Variants in ANO2 observed in about 807,000 individuals in gnomAD.
ANO2 encodes the protein anoctamin 2.
Under a neutral mutation model 124.2 loss-of-function variants are expected in ANO2, and 101 were observed. The ratio of observed to expected loss-of-function variants is 0.81; its 90% CI spans 0.69 to 0.96. The LOEUF is 0.96. Ranked by LOEUF, ANO2 falls within the 40% of genes least tolerant of loss-of-function variation. The pLI, the probability that ANO2 is intolerant of heterozygous loss-of-function variation, is 0.00. For synonymous variants in ANO2, 486 were observed against 482.5 expected (o/e 1.01, Z -0.09); for missense variants, 1,293 against 1,274.5 (o/e 1.01, Z -0.22).
At chr12:5,832,405 C>T (rs781690932) in intron 5 of ANO2, 47 bp downstream of exon 5, 2 of 1,607,440 alleles carry the variant, frequency 1.2e-6, no homozygotes, top group South Asian at 2.2e-5. Context: ...TTCAATTTTC[C>T]TTCCTATCCC....
chr12:5,584,858 C>T (rs1339364554), intron 20 of ANO2, among the ~76,000 whole-genome samples: 1 of 152,166 alleles, frequency 6.6e-6, no homozygotes, highest in African/African-American at 2.4e-5. Context: ...GAGTTCTCAA[C>T]GTCCATCACT....
intron 1 of ANO2, among the ~76,000 whole-genome samples, chr12:5,930,350 G>A (rs1942305229): frequency 6.6e-6 from 1 of 152,130 alleles, no homozygotes; most frequent in Non-Finnish European, 1.5e-5. Context: ...CCAAAGAATG[G>A]TCATTTGCTG....
chr12:5,786,544 C>G lies in ANO2; in HGVS notation c.1055+12963G>C, dbSNP rs1352204624. Among the ~76,000 whole-genome samples, 5 of 152,086 alleles carry G rather than the reference C, an allele frequency of 3.3e-5. No homozygotes were observed. The East Asian group carries it at 9.7e-4, about 29-fold the overall frequency. ...GATGAGCCTGGATGGCTTTTAAGAC[C>G]CCTCCCAGACCTAAAATTCCTAAGC... On this transcript the variant is annotated intron_variant, in intron 10 of 24. Transcript: ENST00000682330.
At chr12:5,920,657 A>T (rs904945065) in intron 3 of ANO2, among the ~76,000 whole-genome samples, 2 of 152,136 alleles carry the variant, frequency 1.3e-5, no homozygotes, top group African/African-American at 4.8e-5. Flanking sequence ...GAAGGTCGGG[A>T]GATCGAGACC....
In ANO2 at chr12:5,890,046, T is replaced by C. The variant is rs998902088; in HGVS notation, c.534+30994A>G. Among the ~76,000 whole-genome samples, 247 of 105,580 alleles carry C rather than the reference T, an allele frequency of 2.3e-3. 1 individual carries two copies. The highest frequency in any genetic ancestry group is 0.014 in the African/African-American group (239 of 17,690). The allele number at this position is 105,580 out of a possible 152,430, so 69.3% of individuals were successfully genotyped here. On this transcript the variant is annotated intron_variant, in intron 3 of 24. Transcript: ENST00000682330. ...TGTGGCCCTGGGGCTTAAAATTCCA[T>C]TTTTTTTTTTTTTCTGTCCAGACCT...
intron 22 of ANO2, among the ~76,000 whole-genome samples, chr12:5,576,808 A>G (rs1942439078): frequency 6.6e-6 from 1 of 152,210 alleles, no homozygotes; most frequent in Non-Finnish European, 1.5e-5. Context: ...TGTAGTTCAG[A>G]TATTGTTCTC....
intron 14 of ANO2, among the ~76,000 whole-genome samples, chr12:5,706,114 C>T (rs930340630): frequency 6.6e-6 from 1 of 152,152 alleles, no homozygotes; most frequent in Non-Finnish European, 1.5e-5. Context: ...GTTATATGAC[C>T]GTGGCAATAT....
At chr12:5,928,150 G>T (rs201630835) in intron 1 of ANO2, among the ~76,000 whole-genome samples, 8 of 114,676 alleles carry the variant, frequency 7.0e-5, no homozygotes, top group African/African-American at 2.3e-4. Flanking sequence ...CCAGCAGCAG[G>T]AGGAGGAGGT....
intron 14 of ANO2, among the ~76,000 whole-genome samples, chr12:5,687,274 T>C (rs1444810360): frequency 2.6e-5 from 4 of 152,180 alleles, no homozygotes; most frequent in Non-Finnish European, 5.9e-5. Flanking sequence ...TCCATAAGGA[T>C]TGCACTGTTC....
intron 3 of ANO2, among the ~76,000 whole-genome samples, chr12:5,905,119 C>T (rs1316823188): frequency 6.6e-6 from 1 of 152,158 alleles, no homozygotes; most frequent in Non-Finnish European, 1.5e-5. Flanking sequence ...TTGAATCCCT[C>T]ACTGGCAGCA....
At chr12:5,732,801 T>G in intron 13 of ANO2, 171 bp from the exon 14 acceptor site, 1 of 1,606,160 alleles carries the variant, frequency 6.2e-7, no homozygotes, top group Admixed American at 1.7e-5. Context: ...CATCCTAACA[T>G]AAGAACACAA....
At chr12:5,875,028 G>C (rs1236577332) in intron 3 of ANO2, among the ~76,000 whole-genome samples, 1 of 152,202 alleles carries the variant, frequency 6.6e-6, no homozygotes, top group Non-Finnish European at 1.5e-5. Context: ...GCTAACTCCT[G>C]CTCTAGGACA....
rs757294303 is a variant in ANO2, at chr12:5,647,753, T to C, written c.1594A>G (p.Met532Val). The C allele has an allele frequency of 6.2e-7, 1 of 1,610,476 alleles. No homozygotes were observed. Among genetic ancestry groups the C allele is most frequent in the Non-Finnish European group, 8.5e-7 (1 of 1,178,644 alleles). ...TWKDRFPGYL[M>V]NFASILFMIA... The stretch of plus-strand genomic sequence containing the variant: ...ATGAATAAGATGGAGGCAAAGTTCA[T>C]CAGGTAACCTGGGAAACGATCCTTC... Residue 532 changes from methionine (M) to valine (V), a missense_variant, in exon 15 of 25, where the codon ATG (methionine) becomes GTG (valine). By Grantham distance (21) the Met-to-Val change is conservative (BLOSUM62 1). Coordinates refer to ENST00000682330, the MANE Select transcript of ANO2 (RefSeq NM_001364791.2).
At chr12:5,677,331 GA>G (rs1948292867) in intron 14 of ANO2, among the ~76,000 whole-genome samples, 1 of 152,156 alleles carries the variant, frequency 6.6e-6, no homozygotes, top group Non-Finnish European at 1.5e-5. Context: ...ATATAAGCAA[GA>G]AATTATTCTG....
At chr12:5,890,010 C>A (rs1383360626) in intron 3 of ANO2, among the ~76,000 whole-genome samples, 1 of 152,034 alleles carries the variant, frequency 6.6e-6, no homozygotes, top group Non-Finnish European at 1.5e-5. Flanking sequence ...CTCACCAGGT[C>A]CCCTCCAGTC....
At position 5,807,268 on chromosome 12, in the gene ANO2, A is replaced by T. The variant is rs71579287; in HGVS notation, c.948+45T>A. On this transcript the variant is annotated intron_variant, in intron 8 of 24. Transcript: ENST00000682330. ...GCCACTGAAAAGTTGTGGTTTTCAA[A>T]GTTTTGAAGACTACAGAGAGCACGC... 5.7e-5 allele frequency: 86 copies of T among 1,512,494 alleles called. No individual in the cohort carries two copies. In the Middle Eastern group the frequency reaches 6.8e-4, roughly 12 times the overall value. The allele number at this position is 1,512,494 out of a possible 1,614,324, so 93.7% of individuals were successfully genotyped here.
rs553020016 is a variant in ANO2 at position 5,574,873 on chromosome 12, T to C, written c.2621+961A>G. ...CGTTAGATTTCAGGACTTCCCATTA[T>C]GTACTTTATCCCATCTCTTCAAATT... is the stretch of plus-strand genomic sequence containing the variant. On this transcript the variant is annotated intron_variant, in intron 23 of 24. Coordinates refer to ENST00000682330, the MANE Select transcript of ANO2 (RefSeq NM_001364791.2). Among the ~76,000 whole-genome samples, 4 of 152,360 alleles carry C rather than the reference T, an allele frequency of 2.6e-5. No homozygotes were observed. In the East Asian group the frequency reaches 5.8e-4, roughly 22 times the overall value.
At chr12:5,592,314 A>G (rs1943436304) in intron 20 of ANO2, among the ~76,000 whole-genome samples, 1 of 152,156 alleles carries the variant, frequency 6.6e-6, no homozygotes, top group South Asian at 2.1e-4. Context: ...ACATGTTTGA[A>G]AGGGTGCAGG....
At chr12:5,603,181 C>T (rs192214501) in intron 19 of ANO2, among the ~76,000 whole-genome samples, 19 of 151,960 alleles carry the variant, frequency 1.3e-4, no homozygotes, top group Admixed American at 8.5e-4. Flanking sequence ...CTGGTTTGCC[C>T]GGGAGAACAG....
Sources: allele counts gnomAD v4.1 joint callset (sites outside exome capture counted in the v4.1 genomes callset), GRCh38; gene constraint gnomAD v4.1.1; transcripts MANE v1.5; gene names NCBI Gene and HGNC (gene_info 2026-07-23, HGNC 2026-07-21).